KLF12: variants seen among roughly 807,000 people sequenced by gnomAD.
KLF12 encodes the protein Krueppel-like factor 12.
Under a neutral mutation model 37.8 loss-of-function variants are expected in KLF12, and 9 were observed. The observed-to-expected ratio is 0.24, with a 90% CI of 0.14 to 0.42. The LOEUF (loss-of-function observed/expected upper bound fraction) is 0.42, where lower values mean the gene tolerates loss of function less well. KLF12 is among the 10% of genes least tolerant of loss of function. The pLI is 1.00. For missense variants in KLF12, 411 were observed against 516.0 expected, an observed-to-expected ratio of 0.80 and a Z score of 1.97; for synonymous variants, 208 against 202.1, an observed-to-expected ratio of 1.03 and a Z score of -0.25.
At chr13:73,750,212 T>C (rs893186128) in intron 6 of KLF12, among the ~76,000 whole-genome samples, 2 of 152,202 alleles carry the variant, frequency 1.3e-5, no homozygotes, top group African/African-American at 4.8e-5. Context: ...TCTGAAAATA[T>C]TGACTAAGGA....
intron 2 of KLF12, among the ~76,000 whole-genome samples, chr13:73,945,489 C>T (rs533016611): frequency 6.6e-5 from 10 of 151,944 alleles, no homozygotes; most frequent in Non-Finnish European, 1.3e-4. Flanking sequence ...TAAATAAAAA[C>T]GACTCTCCTT....
intron 2 of KLF12, among the ~76,000 whole-genome samples, chr13:73,986,186 C>G (rs552563661): frequency 6.6e-6 from 1 of 152,300 alleles, no homozygotes; most frequent in East Asian, 1.9e-4. Context: ...AGTAGTTCAT[C>G]TAGCTTTGAA....
chr13:74,221,142 C>A, the KLF12 span, among the ~76,000 whole-genome samples: 3 of 151,794 alleles, frequency 2.0e-5, no homozygotes, highest in Non-Finnish European at 4.4e-5. Flanking sequence ...GTAGCTGGGA[C>A]TACAAGCACC....
chr13:73,785,755 G>C (rs1881300152), intron 5 of KLF12, among the ~76,000 whole-genome samples: 1 of 151,972 alleles, frequency 6.6e-6, no homozygotes, highest in African/African-American at 2.4e-5. Context: ...ATTTTTGACT[G>C]CTATTGCAAT....
intron 2 of KLF12, among the ~76,000 whole-genome samples, chr13:73,950,595 C>G (rs944833494): frequency 6.6e-6 from 1 of 152,106 alleles, no homozygotes; most frequent in African/African-American, 2.4e-5. Flanking sequence ...TCCATCTGCA[C>G]CACAGTCATG....
chr13:74,276,093 G>A, the KLF12 span, among the ~76,000 whole-genome samples: 1 of 151,622 alleles, frequency 6.6e-6, no homozygotes, highest in Non-Finnish European at 1.5e-5. Context: ...AGCCCCGCAT[G>A]GATTAAGTAT....
chr13:74,079,890 A>T (rs1874777640), intron 1 of KLF12, among the ~76,000 whole-genome samples: 1 of 152,198 alleles, frequency 6.6e-6, no homozygotes, highest in Non-Finnish European at 1.5e-5. Flanking sequence ...TATATATCTG[A>T]AAGGATTAAA....
At chr13:73,752,303 C>T (rs747399512) in intron 6 of KLF12, among the ~76,000 whole-genome samples, 17 of 152,080 alleles carry the variant, frequency 1.1e-4, no homozygotes, top group Admixed American at 6.6e-5. Flanking sequence ...ATTTGTGGCT[C>T]ATCCACTGTA....
At chr13:74,007,690 G>A (rs9600218) in intron 1 of KLF12, among the ~76,000 whole-genome samples, 17,863 of 152,132 alleles carry the variant, frequency 0.12, 1,096 homozygotes, top group African/African-American at 0.15. Flanking sequence ...GTTATTATTC[G>A]TGGAAAACAT....
At chr13:74,189,565 G>A in the KLF12 span, among the ~76,000 whole-genome samples, 2 of 152,122 alleles carry the variant, frequency 1.3e-5, no homozygotes, top group Non-Finnish European at 1.5e-5. Context: ...TTTTGCTTTC[G>A]GAATAGGTAA....
At chr13:73,880,507 C>A (rs1886925789) in intron 3 of KLF12, among the ~76,000 whole-genome samples, 1 of 152,118 alleles carries the variant, frequency 6.6e-6, no homozygotes, top group Non-Finnish European at 1.5e-5. Flanking sequence ...TGAGGAATTG[C>A]CTCCAACCTG....
intron 1 of KLF12, among the ~76,000 whole-genome samples, chr13:74,124,920 T>C (rs572084868): frequency 6.6e-6 from 1 of 152,054 alleles, no homozygotes; most frequent in South Asian, 2.1e-4. Flanking sequence ...GCAAGGCGGG[T>C]GGATCACTTG....
rs1874302552 is a variant in KLF12 at position 74,072,364 on chromosome 13, A to AATTTATATAT, written c.-32+61374_-32+61375insATATATAAAT. On this transcript the variant is annotated intron_variant, in intron 1 of 7. Transcript: ENST00000377669. ...ATCTTTTTAAGAATTAAGAAATACA[A>AATTTATATAT]ATATATATATATATATATATATATA... 2.2e-4 allele frequency among the ~76,000 whole-genome samples: 14 copies of AATTTATATAT among 63,064 alleles called. No homozygotes were observed. The Admixed American group carries it at 2.9e-3, about 13-fold the overall frequency. The allele number at this position is 63,064 out of a possible 152,430, so 41.4% of individuals were successfully genotyped here.
At chr13:73,781,115 G>A (rs1880938064) in intron 5 of KLF12, among the ~76,000 whole-genome samples, 2 of 152,188 alleles carry the variant, frequency 1.3e-5, no homozygotes, top group African/African-American at 4.8e-5. Flanking sequence ...TTTTGCCAGT[G>A]GAGGGTCTTG....
At chr13:74,074,015 C>A (rs1013336221) in intron 1 of KLF12, among the ~76,000 whole-genome samples, 2 of 152,106 alleles carry the variant, frequency 1.3e-5, no homozygotes, top group African/African-American at 4.8e-5. Flanking sequence ...GCAATCTATA[C>A]CTGTTTACTC....
chr13:74,269,359 A>G, the KLF12 span, among the ~76,000 whole-genome samples: 2 of 152,198 alleles, frequency 1.3e-5, no homozygotes, highest in African/African-American at 4.8e-5. Context: ...CATATAGAGC[A>G]TACTGAGTTC....
chr13:73,863,398 A>C (rs1886022328), intron 3 of KLF12, among the ~76,000 whole-genome samples: 1 of 152,164 alleles, frequency 6.6e-6, no homozygotes, highest in African/African-American at 2.4e-5. Flanking sequence ...GACCATAAGC[A>C]AATTTCTTAT....
intron 6 of KLF12, among the ~76,000 whole-genome samples, chr13:73,754,271 T>C (rs148414019): frequency 1.3e-5 from 2 of 152,304 alleles, no homozygotes; most frequent in African/African-American, 4.8e-5. Flanking sequence ...TAGGGCTACA[T>C]CTAATCAATT....
chr13:73,823,707 T>C (rs1038997444), intron 4 of KLF12, among the ~76,000 whole-genome samples: 1 of 142,518 alleles, frequency 7.0e-6, no homozygotes, highest in Non-Finnish European at 1.6e-5. Flanking sequence ...TCATTTGTAG[T>C]TCTGGCCTCT....
Sources: gnomAD v4.1 joint callset for allele counts (sites outside exome capture counted in the v4.1 genomes callset) on GRCh38, gnomAD v4.1.1 for gene constraint, MANE v1.5 for transcripts, NCBI Gene and HGNC (gene_info 2026-07-23, HGNC 2026-07-21) for gene names.